Variants in PDE4D observed in about 807,000 individuals in gnomAD.
The protein encoded by PDE4D is phosphodiesterase 4D.
Under a neutral mutation model 87.4 loss-of-function variants are expected in PDE4D, and 24 were observed. The observed-to-expected ratio is 0.27, with a 90% CI of 0.20 to 0.39. The LOEUF (loss-of-function observed/expected upper bound fraction) is 0.39. Among genes scored for constraint, PDE4D ranks in the 10% least tolerant of loss-of-function variants. The pLI is 1.00. For synonymous variants in PDE4D, 384 were observed against 383.2 expected, an observed-to-expected ratio of 1.00 and a Z score of -0.02; for missense variants, 714 against 1,041.0, an observed-to-expected ratio of 0.69 and a Z score of 4.32.
intron 1 of PDE4D, among the ~76,000 whole-genome samples, chr5:60,185,982 G>A (rs1232752971): frequency 6.7e-6 from 1 of 150,360 alleles, no homozygotes; most frequent in East Asian, 1.9e-4. Context: ...AAAGTTACAT[G>A]TATAAAATGA....
intron 1 of PDE4D, among the ~76,000 whole-genome samples, chr5:59,399,801 G>T (rs75301047): frequency 2.0e-5 from 2 of 100,394 alleles, no homozygotes; most frequent in East Asian, 6.4e-4. Flanking sequence ...AGGCAACCTA[G>T]AAAATGGGAG....
chr5:59,386,698 G>GAAGGGAGGAAGA (rs376548789), intron 1 of PDE4D, among the ~76,000 whole-genome samples: 43 of 144,938 alleles, frequency 3.0e-4, no homozygotes, highest in East Asian at 8.6e-4. Context: ...AGGAAGGGAG[G>GAAGGGAGGAAGA]GAGGGAGGGA....
intron 1 of PDE4D, among the ~76,000 whole-genome samples, chr5:59,219,118 G>A (rs541043572): frequency 3.3e-5 from 5 of 150,208 alleles, no homozygotes; most frequent in African/African-American, 1.2e-4. Flanking sequence ...TGGGTGCAGT[G>A]CACCAGCATG....
chr5:60,352,461 C>G (rs898045429), intron 1 of PDE4D, among the ~76,000 whole-genome samples: 1 of 152,196 alleles, frequency 6.6e-6, no homozygotes, highest in Non-Finnish European at 1.5e-5. Context: ...AGACCAAGAG[C>G]GAAAGCTGAG....
chr5:59,307,924 C>A (rs986880567), intron 1 of PDE4D, among the ~76,000 whole-genome samples: 27 of 151,822 alleles, frequency 1.8e-4, no homozygotes, highest in African/African-American at 6.5e-4. Context: ...ATGTTTATTG[C>A]GGCACTATTC....
At chr5:59,427,317 ACACACACACACACACACACACG>A (rs1795417917) in intron 1 of PDE4D, among the ~76,000 whole-genome samples, 1 of 151,086 alleles carries the variant, frequency 6.6e-6, no homozygotes, top group African/African-American at 2.5e-5. Flanking sequence ...ACACACACAC[ACACACACACACACACACACACG>A]CCCCTATGCC....
At chr5:59,950,828 G>A (rs995811944) in intron 3 of PDE4D, among the ~76,000 whole-genome samples, 2 of 152,054 alleles carry the variant, frequency 1.3e-5, no homozygotes, top group African/African-American at 4.8e-5. Context: ...ATAATTTAAA[G>A]CTTAAATAGG....
chr5:59,827,860 A>G (rs1031815196), intron 1 of PDE4D, among the ~76,000 whole-genome samples: 1 of 152,152 alleles, frequency 6.6e-6, no homozygotes, highest in South Asian at 2.1e-4. Flanking sequence ...AAATGTACAT[A>G]TGAAAAACAC....
intron 1 of PDE4D, among the ~76,000 whole-genome samples, chr5:59,365,760 A>T (rs1456187201): frequency 2.0e-5 from 3 of 152,180 alleles, no homozygotes; most frequent in Non-Finnish European, 2.9e-5. Context: ...AACCAGCAAG[A>T]ATCTTACCTC....
chr5:60,155,887 C>A (rs547385160), intron 2 of PDE4D, among the ~76,000 whole-genome samples: 6 of 152,286 alleles, frequency 3.9e-5, no homozygotes, highest in Admixed American at 3.9e-4. Context: ...AATGGAAAGC[C>A]TTGTTATTAG....
chr5:59,190,968 A>G (rs1426919227), intron 3 of PDE4D, among the ~76,000 whole-genome samples: 2 of 152,222 alleles, frequency 1.3e-5, no homozygotes, highest in East Asian at 1.9e-4. Flanking sequence ...ACCACTCTCT[A>G]CAAGGTGTTA....
At chr5:59,131,033 T>G (rs1054409192) in intron 5 of PDE4D, among the ~76,000 whole-genome samples, 1 of 152,194 alleles carries the variant, frequency 6.6e-6, no homozygotes, top group East Asian at 1.9e-4. Context: ...GGGTGCCCTT[T>G]TCTATTTCAT....
At chr5:59,129,238 T>A (rs959898478) in intron 5 of PDE4D, among the ~76,000 whole-genome samples, 1 of 152,188 alleles carries the variant, frequency 6.6e-6, no homozygotes, top group Non-Finnish European at 1.5e-5. Flanking sequence ...AAATAATATA[T>A]GTTGGAATGC....
chr5:59,226,167 G>C (rs1188009393), intron 1 of PDE4D, among the ~76,000 whole-genome samples: 1 of 152,054 alleles, frequency 6.6e-6, no homozygotes, highest in Non-Finnish European at 1.5e-5. Flanking sequence ...CCAAAAAATT[G>C]AGATCAGCAT....
intron 3 of PDE4D, among the ~76,000 whole-genome samples, chr5:59,187,084 A>G (rs1049263846): frequency 6.6e-6 from 1 of 151,970 alleles, no homozygotes; most frequent in Non-Finnish European, 1.5e-5. Flanking sequence ...CCAATACATA[A>G]TAGTTAAGTT....
At chr5:60,459,913 T>A in intron 1 of PDE4D, 1 of 690,770 alleles carries the variant, frequency 1.4e-6, no homozygotes, top group Non-Finnish European at 2.7e-6. Flanking sequence ...TTCACCTTCA[T>A]CTTCATTGTC....
chr5:59,872,162 T>C (rs1183688109), intron 1 of PDE4D, among the ~76,000 whole-genome samples: 3 of 151,846 alleles, frequency 2.0e-5, no homozygotes, highest in Admixed American at 1.3e-4. Flanking sequence ...ATAACAGACA[T>C]GCCTAGGAAA....
intron 1 of PDE4D, among the ~76,000 whole-genome samples, chr5:59,403,186 T>TTG (rs1177785351): frequency 2.0e-5 from 3 of 147,108 alleles, no homozygotes; most frequent in Admixed American, 6.8e-5. Flanking sequence ...GATAGATAGA[T>TTG]AGATTGATTG....
intron 1 of PDE4D, among the ~76,000 whole-genome samples, chr5:59,302,855 G>T (rs1770537060): frequency 6.6e-6 from 1 of 152,178 alleles, no homozygotes; most frequent in Admixed American, 6.5e-5. Context: ...ACGTGTACAA[G>T]TGTCTTTTTC....
Sources: allele counts gnomAD v4.1 joint callset (sites outside exome capture counted in the v4.1 genomes callset), GRCh38; gene constraint gnomAD v4.1.1; transcripts MANE v1.5; gene names NCBI Gene and HGNC (gene_info 2026-07-23, HGNC 2026-07-21).